The following SULT1B1 variants were observed in gnomAD, a reference collection of about 807,000 sequenced individuals.
The protein encoded by SULT1B1 is sulfotransferase family 1B member 1.
SULT1B1 carries 28 observed loss-of-function variants against 34.6 expected under a neutral mutation model. The observed-to-expected ratio is 0.81, with a 90% CI of 0.60 to 1.11. The LOEUF (loss-of-function observed/expected upper bound fraction) is 1.11. SULT1B1 is among the 50% of genes least tolerant of loss of function. The pLI is 0.00. For synonymous variants in SULT1B1, 147 were observed against 110.2 expected (o/e 1.33, Z -2.09); for missense variants, 374 against 352.2 (o/e 1.06, Z -0.50).
At chr4:69,734,828 C>CTTT (rs71604563) in intron 4 of SULT1B1, among the ~76,000 whole-genome samples, 4,875 of 135,618 alleles carry the variant, frequency 0.036, 322 homozygotes, top group African/African-American at 0.12. Flanking sequence ...CTTCGCTACT[C>CTTT]TTTTTTTTTT....
chr4:69,748,564 G>C (rs956312727), intron 4 of SULT1B1, among the ~76,000 whole-genome samples: 4 of 152,136 alleles, frequency 2.6e-5, no homozygotes, highest in African/African-American at 7.2e-5. Flanking sequence ...CTACAAAGAA[G>C]AATATGCAAC....
chr4:69,730,699 C>T lies in SULT1B1; in HGVS notation c.598-18G>A. The T allele has an allele frequency of 6.2e-7, 1 of 1,600,640 alleles. No individual in the cohort carries two copies. Among genetic ancestry groups the T allele is most frequent in the Non-Finnish European group, 8.5e-7 (1 of 1,174,180 alleles). ...TTTGGATTCTATTAGTGGGTAAAAC[C>T]CAAGACAATAAACAAGTAACTCACA... is the stretch of plus-strand genomic sequence containing the variant. On this transcript the variant is annotated intron_variant, in intron 6 of 7. Coordinates refer to ENST00000310613, the MANE Select transcript of SULT1B1 (RefSeq NM_014465.4).
At chr4:69,751,625 G>A (rs1718986970) in intron 3 of SULT1B1, among the ~76,000 whole-genome samples, 1 of 152,038 alleles carries the variant, frequency 6.6e-6, no homozygotes, top group South Asian at 2.1e-4. Context: ...CTAATTTTTT[G>A]TATATTTTAG....
chr4:69,744,492 T>C (rs1021001660), intron 4 of SULT1B1, among the ~76,000 whole-genome samples: 1 of 152,200 alleles, frequency 6.6e-6, no homozygotes, highest in Non-Finnish European at 1.5e-5. Context: ...GTCTCCCCAC[T>C]GCAGCCGATG....
chr4:69,721,833 A>T lies in SULT1B1; in HGVS notation c.*5255T>A, dbSNP rs1247090632. The T allele has an allele frequency of 6.6e-6, 1 of 152,116 alleles. No homozygotes were observed. Among genetic ancestry groups the T allele is most frequent in the East Asian group, 1.9e-4 (1 of 5,184 alleles). 9.4% of individuals were successfully genotyped at this position (152,116 alleles called of 1,614,324 possible). On this transcript the variant is annotated 3_prime_UTR_variant, in exon 8 of 8. Transcript: ENST00000310613. ...CCATGGATGAGGAAATAATCATATC[A>T]TTGTCAGATATTTGTTATCACTGTC...
chr4:69,731,205 C>T (rs1427154196), intron 6 of SULT1B1, among the ~76,000 whole-genome samples: 1 of 152,208 alleles, frequency 6.6e-6, no homozygotes, highest in Non-Finnish European at 1.5e-5. Context: ...AGAGCAAGCA[C>T]TACTGCCTGA....
Position 69,760,474 on chromosome 4 carries a change from C to CT in SULT1B1, c.-61dup, listed in dbSNP as rs1719350198. ...CAAATTTTACCTCACAATTTAATCC[C>CT]TTTGTTCAGTTTTCATTTTCAGGCA... On this transcript the variant is annotated 5_prime_UTR_variant, in exon 1 of 8. The change abolishes the stop of an existing upstream ORF in the 5' untranslated region. Transcript: ENST00000310613. 6.6e-6 allele frequency: 1 copy of CT among 152,270 alleles called. No individual in the cohort carries two copies. Among genetic ancestry groups the CT allele is most frequent in the African/African-American group, 2.4e-5 (1 of 41,434 alleles). The allele number at this position is 152,270 out of a possible 1,614,324, so 9.4% of individuals were successfully genotyped here.
At chr4:69,746,673 G>C (rs1401377392) in intron 4 of SULT1B1, among the ~76,000 whole-genome samples, 1 of 152,054 alleles carries the variant, frequency 6.6e-6, no homozygotes, top group Non-Finnish European at 1.5e-5. Context: ...TTGACATCTA[G>C]GTTCTGAATT....
chr4:69,727,887 A>G (rs1354195083), intron 7 of SULT1B1, among the ~76,000 whole-genome samples: 2 of 152,024 alleles, frequency 1.3e-5, no homozygotes, highest in Non-Finnish European at 2.9e-5. Context: ...GAAAATGAAT[A>G]AACTTTTAAT....
In SULT1B1 at chr4:69,724,035, C is replaced by A. The variant is rs1301920588; in HGVS notation, c.*3053G>T. The A allele has an allele frequency of 1.3e-5, 2 of 152,254 alleles. No individual in the cohort carries two copies. The highest frequency in any genetic ancestry group is 6.5e-5 in the Admixed American group (1 of 15,290). The allele number at this position is 152,254 out of a possible 1,614,324, so 9.4% of individuals were successfully genotyped here. A position where few individuals can be genotyped will look rare whatever the true frequency, so the allele number is the denominator to read the frequency against. ...GGAAGTTCTGGCCAGGGCAATCAGG[C>A]AGGAGAAAGAAATAAAGGGTATTCA... On this transcript the variant is annotated 3_prime_UTR_variant, in exon 8 of 8. Coordinates refer to ENST00000310613, the MANE Select transcript of SULT1B1 (RefSeq NM_014465.4).
chr4:69,727,125 AT>A lies in SULT1B1; in HGVS notation c.853del (p.Met285CysfsTer20), dbSNP rs1312697818. On this transcript the variant is annotated frameshift_variant, in exon 8 of 8. Coordinates refer to ENST00000310613, the MANE Select transcript of SULT1B1 (RefSeq NM_014465.4). LOFTEE classifies it high-confidence loss of function. ...GCGGAATTGAAGTGCAGTTTTGGACATTTCTGTCTCATAAATAGCATCAAAT... is the reference window on the plus strand; with the variant it reads ...GCGGAATTGAAGTGCAGTTTTGGACATTCTGTCTCATAAATAGCATCAAAT... The part of the protein sequence containing the change: ...EKFDAIYETE[M>X]SKTALQFRTE... 6.2e-7 allele frequency: 1 copy of A among 1,611,162 alleles called. No homozygotes were observed. The highest frequency in any genetic ancestry group is 1.7e-5 in the Admixed American group (1 of 59,570).
Position 69,733,027 on chromosome 4 carries a change from A to T in SULT1B1, c.597+386T>A, listed in dbSNP as rs889731965. 3.3e-5 allele frequency among the ~76,000 whole-genome samples: 5 copies of T among 152,158 alleles called. No individual in the cohort carries two copies. The South Asian group carries it at 6.2e-4, about 19-fold the overall frequency. On this transcript the variant is annotated intron_variant, in intron 6 of 7. Transcript: ENST00000310613. ...CAGGCACAGATAAGGGATGATTAGC[A>T]CATAAATAGTTGTGAAAACAATAAG...
rs1719116677 is a variant in SULT1B1, at chr4:69,754,661, TA to T, written c.277+8del. The T allele has an allele frequency of 6.2e-7, 1 of 1,611,628 alleles. No individual in the cohort carries two copies. Among genetic ancestry groups the T allele is most frequent in the Admixed American group, 1.7e-5 (1 of 59,726 alleles). On this transcript the variant is annotated splice_region_variant and intron_variant, in intron 3 of 7. Coordinates refer to ENST00000310613, the MANE Select transcript of SULT1B1 (RefSeq NM_014465.4). ...TACAAAATAATAATTCCAAGTGGGT[TA>T]AATTTACCTGATGTTCTTAATCCAG...
chr4:69,734,382 C>T, intron 4 of SULT1B1, 118 bp from the exon 5 acceptor site: 1 of 1,081,924 alleles, frequency 9.2e-7, no homozygotes. Context: ...AAATTGTGGG[C>T]CAGGGAGGCC....
At chr4:69,731,116 G>A (rs114861299) in intron 6 of SULT1B1, among the ~76,000 whole-genome samples, 3,238 of 152,246 alleles carry the variant, frequency 0.021, 94 homozygotes, top group African/African-American at 0.069. Context: ...TCCAGGGATC[G>A]CCAACCCACT....
intron 7 of SULT1B1, 68 bp downstream of exon 7, chr4:69,730,433 C>G: frequency 7.0e-7 from 1 of 1,432,776 alleles, no homozygotes; most frequent in Non-Finnish European, 9.6e-7. Context: ...GATCACAGAA[C>G]TAATCCTTAG....
chr4:69,742,594 T>A (rs1350744231), intron 4 of SULT1B1, among the ~76,000 whole-genome samples: 1 of 152,236 alleles, frequency 6.6e-6, no homozygotes, highest in Non-Finnish European at 1.5e-5. Context: ...GTTTCAATCC[T>A]AGTGTTATGA....
chr4:69,760,045 TTAAA>T (rs1204612984), intron 1 of SULT1B1, among the ~76,000 whole-genome samples: 1 of 152,258 alleles, frequency 6.6e-6, no homozygotes, highest in Admixed American at 6.5e-5. Context: ...ATCAAGCTAC[TTAAA>T]TAAATGTGGT....
Position 69,721,761 on chromosome 4 carries a change from G to T in SULT1B1, c.*5327C>A, listed in dbSNP as rs574132942. ...ATGATGAAAAGTTCTTGTAAGCAAT[G>T]CTTTGGCTTTTTAGAAAATAGCCCT... On this transcript the variant is annotated 3_prime_UTR_variant, in exon 8 of 8. Coordinates refer to ENST00000310613, the MANE Select transcript of SULT1B1 (RefSeq NM_014465.4). 5.3e-5 allele frequency: 8 copies of T among 152,128 alleles called. No individual in the cohort carries two copies. The highest frequency in any genetic ancestry group is 2.6e-4 in the Admixed American group (4 of 15,256). The allele number at this position is 152,128 out of a possible 1,614,324, so 9.4% of individuals were successfully genotyped here.
Sources: gnomAD v4.1 joint callset for allele counts (sites outside exome capture counted in the v4.1 genomes callset) on GRCh38, gnomAD v4.1.1 for gene constraint, MANE v1.5 for transcripts, NCBI Gene and HGNC (gene_info 2026-07-23, HGNC 2026-07-21) for gene names.